CAP1: variants seen among roughly 807,000 people sequenced by gnomAD.
The protein encoded by CAP1 is cyclase associated actin cytoskeleton regulatory protein 1.
Under a neutral mutation model 58.2 loss-of-function variants are expected in CAP1, and 11 were observed. The ratio of observed to expected loss-of-function variants is 0.19; its 90% CI spans 0.12 to 0.31. The LOEUF is 0.31. Ranked by LOEUF, CAP1 falls within the 10% of genes least tolerant of loss-of-function variation. The pLI, the probability that CAP1 is intolerant of heterozygous loss-of-function variation, is 1.00. For missense variants in CAP1, 423 were observed against 587.5 expected (o/e 0.72, Z 2.89); for synonymous variants, 183 against 213.8 (o/e 0.86, Z 1.26).
chr1:40,070,043 C>T, intron 9 of CAP1, 116 bp from the exon 10 acceptor site: 2 of 1,490,202 alleles, frequency 1.3e-6, no homozygotes, highest in Non-Finnish European at 1.8e-6. Flanking sequence ...TGGAGCTTAG[C>T]TAGATGAGGG....
At chr1:40,044,224 C>G (rs72935598) in intron 1 of CAP1, among the ~76,000 whole-genome samples, 1,943 of 151,914 alleles carry the variant, frequency 0.013, 48 homozygotes, top group African/African-American at 0.044. Context: ...AGTGAGACCC[C>G]TGTCTCTACC....
chr1:40,050,551 C>T (rs560015406), intron 1 of CAP1, among the ~76,000 whole-genome samples: 20 of 151,662 alleles, frequency 1.3e-4, no homozygotes, highest in Non-Finnish European at 1.8e-4. Flanking sequence ...TCCAGCTACT[C>T]GGGAGGCTGA....
chr1:40,066,125 G>C (rs1316015310), intron 6 of CAP1, 90 bp from the exon 7 acceptor site: 1 of 739,908 alleles, frequency 1.4e-6, no homozygotes, highest in Non-Finnish European at 2.4e-6. Flanking sequence ...ACGGGTAGGA[G>C]AATGTGAGCC....
At position 40,072,277 on chromosome 1, in the gene CAP1, A is replaced by C; in HGVS notation, c.*744A>C. ...GAAAAAAAAAAAAAAAAAAACCCAC[A>C]TGATTTCAAGGAGTCTGGCATTCCT... On this transcript the variant is annotated 3_prime_UTR_variant, in exon 13 of 13. Transcript: ENST00000372805. The C allele has an allele frequency of 1.3e-5, 5 of 376,530 alleles. No homozygotes were observed. The highest frequency in any genetic ancestry group is 3.8e-5 in the East Asian group (1 of 26,468). 23.3% of individuals were successfully genotyped at this position (376,530 alleles called of 1,614,324 possible). A position where few individuals can be genotyped will look rare whatever the true frequency, so the allele number is the denominator to read the frequency against.
intron 1 of CAP1, among the ~76,000 whole-genome samples, chr1:40,046,048 G>A (rs1646082973): frequency 6.6e-6 from 1 of 152,162 alleles, no homozygotes; most frequent in Non-Finnish European, 1.5e-5. Flanking sequence ...CTTGTTGATG[G>A]TGTAAGTCAG....
In CAP1 at chr1:40,072,421, G is replaced by A. The variant is rs1225035051; in HGVS notation, c.*888G>A. 1 of 225,004 alleles carries A rather than the reference G, an allele frequency of 4.4e-6. No homozygotes were observed. The highest frequency in any genetic ancestry group is 8.6e-6 in the Non-Finnish European group (1 of 116,392). 13.9% of individuals were successfully genotyped at this position (225,004 alleles called of 1,614,324 possible). On this transcript the variant is annotated 3_prime_UTR_variant, in exon 13 of 13. Transcript: ENST00000372805. The stretch of plus-strand genomic sequence containing the variant: ...TGAACAGAGGACTGAAACCTCCACT[G>A]CAGGCTGGTTTTAGGTCTTGAATTA...
intron 1 of CAP1, among the ~76,000 whole-genome samples, chr1:40,041,154 C>A (rs1189225709): frequency 6.6e-6 from 1 of 152,196 alleles, no homozygotes; most frequent in East Asian, 1.9e-4. Flanking sequence ...GTAAATTGAT[C>A]CCTAGAGAAG....
chr1:40,046,193 C>T (rs1005685461), intron 1 of CAP1, among the ~76,000 whole-genome samples: 3 of 152,162 alleles, frequency 2.0e-5, no homozygotes, highest in Admixed American at 1.3e-4. Context: ...TGGTGATTCA[C>T]GCCTGTAATC....
rs768439097 is a variant in CAP1, at chr1:40,070,146, C to G, written c.994-13C>G. ...TGCTTTGTGATGAGAATCCTGGGAT[C>G]TCTCTCTAACAGGAAAATCAGGAAA... is the stretch of plus-strand genomic sequence containing the variant. On this transcript the variant is annotated splice_polypyrimidine_tract_variant and intron_variant, in intron 9 of 12. Transcript: ENST00000372805. The G allele has an allele frequency of 6.8e-6, 11 of 1,613,554 alleles. No homozygotes were observed. Among genetic ancestry groups the G allele is most frequent in the Non-Finnish European group, 9.3e-6 (11 of 1,179,904 alleles).
intron 1 of CAP1, among the ~76,000 whole-genome samples, chr1:40,058,895 G>A (rs1392218459): frequency 1.3e-5 from 2 of 152,090 alleles, no homozygotes; most frequent in Non-Finnish European, 2.9e-5. Context: ...CGTGTGACTA[G>A]ACAAGTCATT....
intron 4 of CAP1, among the ~76,000 whole-genome samples, chr1:40,063,094 T>C (rs979009770): frequency 6.6e-6 from 1 of 151,992 alleles, no homozygotes; most frequent in Non-Finnish European, 1.5e-5. Flanking sequence ...ACCTCCCAGG[T>C]GTAATGATCC....
intron 7 of CAP1, among the ~76,000 whole-genome samples, chr1:40,066,981 A>G (rs1647114790): frequency 6.6e-6 from 1 of 152,206 alleles, no homozygotes; most frequent in South Asian, 2.1e-4. Context: ...AAAGAGTCTC[A>G]GTGTATAGGT....
intron 1 of CAP1, among the ~76,000 whole-genome samples, chr1:40,053,652 G>A (rs1428707013): frequency 6.6e-6 from 1 of 152,044 alleles, no homozygotes; most frequent in African/African-American, 2.4e-5. Context: ...TCTCCATGTT[G>A]GTCAGGCTGG....
At chr1:40,069,143 A>G (rs1049633314) in intron 8 of CAP1, among the ~76,000 whole-genome samples, 15 of 152,234 alleles carry the variant, frequency 9.9e-5, no homozygotes, top group African/African-American at 3.6e-4. Context: ...CTAGAAAGAT[A>G]TTAAACTACA....
Position 40,059,424 on chromosome 1 carries a change from C to T in CAP1, c.78C>T (p.Asp26=). ...TGGAGGCAGTATCTCATACCTCTGA[C>T]ATGCACCGTGGGTATGCAGACAGTC... ...GRLEAVSHTS[D]MHRGYADSPS... Residue 26 remains aspartate, a synonymous_variant, in exon 2 of 13, where the codon GAC becomes GAT. Transcript: ENST00000372805. 1 of 1,611,998 alleles carries T rather than the reference C, an allele frequency of 6.2e-7. No homozygotes were observed. The highest frequency in any genetic ancestry group is 8.5e-7 in the Non-Finnish European group (1 of 1,178,068).
chr1:40,071,722 G>C lies in CAP1; in HGVS notation c.*189G>C. 1 of 573,398 alleles carries C rather than the reference G, an allele frequency of 1.7e-6. No homozygotes were observed. Among genetic ancestry groups the C allele is most frequent in the South Asian group, 2.2e-5 (1 of 45,254 alleles). The allele number at this position is 573,398 out of a possible 1,614,324, so 35.5% of individuals were successfully genotyped here. A position where few individuals can be genotyped will look rare whatever the true frequency, so the allele number is the denominator to read the frequency against. ...TTTGGGGTGGGATAGCAGGTCAGTT[G>C]ATCTTCTGCAGGAAGGTGCAGCTTT... On this transcript the variant is annotated 3_prime_UTR_variant, in exon 13 of 13. Coordinates refer to ENST00000372805, the MANE Select transcript of CAP1 (RefSeq NM_006367.4).
At chr1:40,068,633 G>A (rs1453993630) in intron 8 of CAP1, among the ~76,000 whole-genome samples, 1 of 150,870 alleles carries the variant, frequency 6.6e-6, no homozygotes, top group African/African-American at 2.4e-5. Flanking sequence ...ACCATGTAAT[G>A]TTTAAGAAAA....
rs757795266 is a variant in CAP1 at position 40,070,201 on chromosome 1, G to A, written c.1036G>A (p.Glu346Lys). Residue 346 changes from glutamate (E) to lysine (K), a missense_variant, in exon 10 of 13, where the codon GAG becomes AAG. Physicochemically the swap from Glu to Lys is moderately conservative, Grantham distance 56. Transcript: ENST00000372805. ...NVSNLVIEDT[E>K]LKQVAYIYKC... is the part of the protein sequence containing the mutation. ...TTCCAACCTGGTGATTGAGGACACA[G>A]AGCTGAAACAGGTGGCTTACATATA... 1.2e-6 allele frequency: 2 copies of A among 1,614,088 alleles called. No homozygotes were observed. The highest frequency in any genetic ancestry group is 1.7e-6 in the Non-Finnish European group (2 of 1,180,028).
intron 1 of CAP1, among the ~76,000 whole-genome samples, chr1:40,046,895 C>T (rs1045614475): frequency 9.2e-5 from 14 of 151,888 alleles, no homozygotes; most frequent in Admixed American, 3.3e-4. Context: ...GCCTCAGCCT[C>T]CTGAGTAGCT....
Sources: gnomAD v4.1 joint callset for allele counts (sites outside exome capture counted in the v4.1 genomes callset) on GRCh38, gnomAD v4.1.1 for gene constraint, MANE v1.5 for transcripts, NCBI Gene and HGNC (gene_info 2026-07-23, HGNC 2026-07-21) for gene names.